TRPM1: variants seen among roughly 807,000 people sequenced by gnomAD.
TRPM1 encodes the protein transient receptor potential cation channel subfamily M member 1, also known as TRPM1-203 APA Isoform, Intron 10.
In TRPM1, 113 loss-of-function variants were observed where a neutral mutation model predicts 149.4. The observed-to-expected ratio is 0.76, with a 90% CI of 0.65 to 0.88. The LOEUF is 0.88. Ranked by LOEUF, TRPM1 falls within the 40% of genes least tolerant of loss-of-function variation. The pLI is 0.00. For missense variants in TRPM1, 1,976 were observed against 2,038.7 expected, an observed-to-expected ratio of 0.97 and a Z score of 0.59; for synonymous variants, 741 against 759.5, an observed-to-expected ratio of 0.98 and a Z score of 0.40.
intron 1 of TRPM1, among the ~76,000 whole-genome samples, chr15:31,088,707 T>G (rs913696838): frequency 6.6e-6 from 1 of 151,912 alleles, no homozygotes; most frequent in East Asian, 1.9e-4. Context: ...TTGGGGGCCG[T>G]CGTATGAGAT....
intron 1 of TRPM1, among the ~76,000 whole-genome samples, chr15:31,150,092 T>C (rs1165290840): frequency 6.6e-6 from 1 of 152,230 alleles, no homozygotes; most frequent in Non-Finnish European, 1.5e-5. Flanking sequence ...TAATCTTGTG[T>C]TGCCCGCAGC....
chr15:31,070,190 G>A lies in TRPM1; in HGVS notation c.120C>T (p.Pro40=). 6.2e-7 allele frequency: 1 copy of A among 1,614,006 alleles called. No individual in the cohort carries two copies. Among genetic ancestry groups the A allele is most frequent in the Non-Finnish European group, 8.5e-7 (1 of 1,179,974 alleles). Reference sequence around the variant, plus strand: ...TGCTGGGTGTTGCACTTGGCAGAGGGGGGATATGCTGGTTGGTGAACTGGC... The same window carrying A: ...TGCTGGGTGTTGCACTTGGCAGAGGAGGGATATGCTGGTTGGTGAACTGGC... ...CCGQFTNQHI[P]PLPSATPSKN... The change falls in exon 4 of 28, where the codon CCC becomes CCT. Residue 40 remains proline, a synonymous_variant. Transcript: ENST00000256552.
chr15:31,128,908 C>A (rs985164125), intron 1 of TRPM1, among the ~76,000 whole-genome samples: 1 of 152,196 alleles, frequency 6.6e-6, no homozygotes, highest in African/African-American at 2.4e-5. Context: ...AGATGAAAGC[C>A]CCCCCGCTCC....
intron 22 of TRPM1, among the ~76,000 whole-genome samples, chr15:31,031,949 T>C (rs2033099183): frequency 6.6e-6 from 1 of 151,558 alleles, no homozygotes; most frequent in African/African-American, 2.4e-5. Flanking sequence ...GGATTGGCCC[T>C]GGGCTCCCTT....
chr15:31,111,329 G>A (rs1422109829), intron 1 of TRPM1, among the ~76,000 whole-genome samples: 3 of 152,200 alleles, frequency 2.0e-5, no homozygotes, highest in African/African-American at 7.2e-5. Context: ...TGAGTGTAAC[G>A]TTCTGCCCTT....
At chr15:31,009,946 G>T (rs2032124262) in intron 27 of TRPM1, among the ~76,000 whole-genome samples, 1 of 152,016 alleles carries the variant, frequency 6.6e-6, no homozygotes, top group Non-Finnish European at 1.5e-5. Flanking sequence ...CAGAGCCTTT[G>T]CAATTTTGTT....
chr15:31,051,890 G>A (rs927366625), intron 11 of TRPM1, among the ~76,000 whole-genome samples: 19 of 152,124 alleles, frequency 1.2e-4, no homozygotes, highest in Admixed American at 3.3e-4. Flanking sequence ...CTTATCTCAG[G>A]GAAATGTTAC....
chr15:31,109,301 T>C (rs1233558284), intron 1 of TRPM1, among the ~76,000 whole-genome samples: 3 of 107,204 alleles, frequency 2.8e-5, no homozygotes, highest in African/African-American at 1.1e-4. Context: ...GCCACTGCAC[T>C]CCAGCCTGGG....
intron 1 of TRPM1, among the ~76,000 whole-genome samples, chr15:31,096,873 GC>G (rs1328435917): frequency 6.6e-6 from 1 of 152,196 alleles, no homozygotes; most frequent in Non-Finnish European, 1.5e-5. Context: ...AAGCCTCCTG[GC>G]CCTCAGGGAC....
Position 31,001,217 on chromosome 15 carries a change from ATAT to A in TRPM1, c.*602_*604del, listed in dbSNP as rs1566980381. ...CAGAAAACAAAGACCCCATAAAAAC[ATAT>A]TTGTGGCTCCTTCCCACTTATTGTG... On this transcript the variant is annotated 3_prime_UTR_variant, in exon 28 of 28. Transcript: ENST00000256552. 1.3e-5 allele frequency: 2 copies of A among 152,236 alleles called. No homozygotes were observed. The highest frequency in any genetic ancestry group is 2.9e-5 in the Non-Finnish European group (2 of 68,096). The allele number at this position is 152,236 out of a possible 1,614,324, so 9.4% of individuals were successfully genotyped here. A position where few individuals can be genotyped will look rare whatever the true frequency, so the allele number is the denominator to read the frequency against.
At chr15:31,024,282 T>G (rs1488761602) in intron 27 of TRPM1, among the ~76,000 whole-genome samples, 2 of 152,200 alleles carry the variant, frequency 1.3e-5, no homozygotes, top group Non-Finnish European at 2.9e-5. Flanking sequence ...TCAAGTGTGA[T>G]TTTTAAAGTA....
At chr15:31,037,581 T>C in intron 20 of TRPM1, 130 bp downstream of exon 20, 1 of 1,291,842 alleles carries the variant, frequency 7.7e-7, no homozygotes, top group Non-Finnish European at 1.1e-6. Context: ...GTCCCAGTTT[T>C]GTTCTCATAA....
chr15:31,084,035 C>A (rs985065671), intron 1 of TRPM1, among the ~76,000 whole-genome samples: 10 of 152,156 alleles, frequency 6.6e-5, no homozygotes, highest in African/African-American at 1.9e-4. Context: ...CACAGCCGAC[C>A]CCTCTCCTGG....
chr15:31,008,515 A>T (rs376553050), intron 27 of TRPM1, among the ~76,000 whole-genome samples: 2 of 152,192 alleles, frequency 1.3e-5, no homozygotes, highest in South Asian at 4.1e-4. Flanking sequence ...TCAAATATTG[A>T]CCTAGCCTTT....
intron 2 of TRPM1, among the ~76,000 whole-genome samples, chr15:31,081,086 A>G (rs1000863119): frequency 2.0e-5 from 3 of 151,956 alleles, no homozygotes; most frequent in Admixed American, 6.6e-5. Context: ...AATGAAGGTC[A>G]TCTGTGATGA....
intron 1 of TRPM1, among the ~76,000 whole-genome samples, chr15:31,140,986 T>C (rs1467592705): frequency 1.3e-5 from 2 of 151,004 alleles, no homozygotes; most frequent in African/African-American, 4.9e-5. Flanking sequence ...TGCATCCAGC[T>C]AATTTTTTTT....
At chr15:31,037,075 C>T (rs1364234987) in intron 20 of TRPM1, among the ~76,000 whole-genome samples, 4 of 152,234 alleles carry the variant, frequency 2.6e-5, no homozygotes, top group Admixed American at 6.5e-5. Context: ...TGGCCACCCC[C>T]ACTGGGACCG....
chr15:31,086,337 A>G (rs1267318380), intron 1 of TRPM1, among the ~76,000 whole-genome samples: 1 of 152,234 alleles, frequency 6.6e-6, no homozygotes, highest in Non-Finnish European at 1.5e-5. Flanking sequence ...TGCCTGGAGC[A>G]CCTGCTGGTA....
chr15:31,095,802 G>A (rs1306086656), intron 1 of TRPM1, among the ~76,000 whole-genome samples: 1 of 152,026 alleles, frequency 6.6e-6, no homozygotes, highest in Non-Finnish European at 1.5e-5. Context: ...CCAGCACTTT[G>A]GGAGGCCAAG....
Sources: gnomAD v4.1 joint callset for allele counts (sites outside exome capture counted in the v4.1 genomes callset) on GRCh38, gnomAD v4.1.1 for gene constraint, MANE v1.5 for transcripts, NCBI Gene and HGNC (gene_info 2026-07-23, HGNC 2026-07-21) for gene names.